UHRF2: variants seen among roughly 807,000 people sequenced by gnomAD.
UHRF2 encodes the protein E3 ubiquitin-protein ligase UHRF2.
UHRF2 carries 23 observed loss-of-function variants against 96.8 expected under a neutral mutation model. The observed-to-expected ratio is 0.24, with a 90% CI of 0.17 to 0.34. The LOEUF is 0.34. Ranked by LOEUF, UHRF2 falls within the 10% of genes least tolerant of loss-of-function variation. The pLI is 1.00. For missense variants in UHRF2, 685 were observed against 981.5 expected, an observed-to-expected ratio of 0.70 and a Z score of 4.04; for synonymous variants, 385 against 332.6, an observed-to-expected ratio of 1.16 and a Z score of -1.72.
rs78234086 is a variant in UHRF2 at position 6,428,140 on chromosome 9, A to G, written c.385-5774A>G. Among the ~76,000 whole-genome samples the G allele has an allele frequency of 3.5e-3, 533 of 152,338 alleles. 5 individuals are homozygous for G. The highest frequency in any genetic ancestry group is 0.012 in the African/African-American group (509 of 41,570). On this transcript the variant is annotated intron_variant, in intron 2 of 15. Transcript: ENST00000276893. ...ACATGTTTTCTTATGCTCATTGTATAATAGAAAGTACTGGAAAGAGGAGAA... is the reference window on the plus strand; with the variant it reads ...ACATGTTTTCTTATGCTCATTGTATGATAGAAAGTACTGGAAAGAGGAGAA...
intron 14 of UHRF2, among the ~76,000 whole-genome samples, chr9:6,501,051 A>G (rs1029464095): frequency 2.6e-5 from 4 of 152,232 alleles, no homozygotes; most frequent in African/African-American, 4.8e-5. Context: ...ACCTAACCGC[A>G]TAAGTCTTAA....
intron 9 of UHRF2, among the ~76,000 whole-genome samples, chr9:6,491,460 G>A (rs781175483): frequency 6.6e-6 from 1 of 152,204 alleles, no homozygotes; most frequent in South Asian, 2.1e-4. Flanking sequence ...GATGTAAAGG[G>A]TGTTATGAGA....
intron 3 of UHRF2, among the ~76,000 whole-genome samples, chr9:6,453,503 G>A (rs554305101): frequency 3.2e-4 from 49 of 152,160 alleles, no homozygotes; most frequent in Non-Finnish European, 6.2e-4. Context: ...TACAACTGTG[G>A]AATTAGAAAA....
intron 15 of UHRF2, among the ~76,000 whole-genome samples, chr9:6,505,673 G>C (rs1034154649): frequency 6.6e-6 from 1 of 152,202 alleles, no homozygotes; most frequent in Admixed American, 6.5e-5. Flanking sequence ...CTAAGCAAGG[G>C]AATCCAGATT....
chr9:6,426,367 T>C (rs1820261076), intron 2 of UHRF2, among the ~76,000 whole-genome samples: 1 of 152,238 alleles, frequency 6.6e-6, no homozygotes, highest in Non-Finnish European at 1.5e-5. Flanking sequence ...TTATACAAAT[T>C]GGCAAGTAAA....
In UHRF2 at chr9:6,498,102, G is replaced by A; in HGVS notation, c.1852G>A (p.Ala618Thr). 1 of 1,613,972 alleles carries A rather than the reference G, an allele frequency of 6.2e-7. No individual in the cohort carries two copies. The highest frequency in any genetic ancestry group is 8.5e-7 in the Non-Finnish European group (1 of 1,179,938). The change falls in exon 12 of 16, where the codon GCT becomes ACT. Residue 618 changes from alanine (A) to threonine (T), a missense_variant. Coordinates refer to ENST00000276893, the MANE Select transcript of UHRF2 (RefSeq NM_152896.3). ...TTTAAGAAGAGATGATGTTGAACCT[G>A]CTCCTTGGACCTCTGAAGGAATAGA... is the stretch of plus-strand genomic sequence containing the variant. ...YLLRRDDVEP[A>T]PWTSEGIERS...
chr9:6,428,266 A>G (rs1052677998), intron 2 of UHRF2, among the ~76,000 whole-genome samples: 2 of 152,162 alleles, frequency 1.3e-5, no homozygotes, highest in Non-Finnish European at 2.9e-5. Flanking sequence ...GAGCACGATC[A>G]CTGTCTATAA....
intron 6 of UHRF2, 129 bp from the exon 7 acceptor site, chr9:6,481,514 G>C: frequency 3.8e-6 from 4 of 1,057,692 alleles, no homozygotes; most frequent in Non-Finnish European, 5.3e-6. Context: ...TTTAATGCCA[G>C]TTAAAGCTCT....
At chr9:6,463,375 A>G (rs1479635547) in intron 4 of UHRF2, among the ~76,000 whole-genome samples, 2 of 152,212 alleles carry the variant, frequency 1.3e-5, no homozygotes, top group African/African-American at 2.4e-5. Context: ...CAACAGTACA[A>G]TAAAATGTAA....
intron 4 of UHRF2, among the ~76,000 whole-genome samples, chr9:6,461,365 C>CTCTCCCCCCCCTCCTT (rs1563775142): frequency 2.2e-5 from 2 of 91,462 alleles, no homozygotes; most frequent in Non-Finnish European, 4.2e-5. Context: ...CCCCCCTCCT[C>CTCTCCCCCCCCTCCTT]CTCTCCCCCT....
intron 3 of UHRF2, 132 bp downstream of exon 3, chr9:6,434,305 G>T: frequency 8.0e-6 from 9 of 1,128,990 alleles, no homozygotes; most frequent in South Asian, 1.9e-5. Flanking sequence ...GTTACTTTTT[G>T]GTTTTGGTGG....
At chr9:6,468,524 C>T (rs1248635179) in intron 4 of UHRF2, 6 of 455,858 alleles carry the variant, frequency 1.3e-5, no homozygotes, top group Non-Finnish European at 2.6e-5. Flanking sequence ...GTGTTTTGCC[C>T]CTAGGGAATC....
intron 4 of UHRF2, chr9:6,468,461 CG>C: frequency 2.2e-6 from 1 of 456,004 alleles, no homozygotes; most frequent in South Asian, 1.5e-5. Context: ...GAACCAACTG[CG>C]GGTATGTCTC....
intron 14 of UHRF2, 110 bp from the exon 15 acceptor site, chr9:6,504,483 A>G: frequency 1.6e-6 from 1 of 637,278 alleles, no homozygotes; most frequent in South Asian, 2.1e-5. Flanking sequence ...TTATGCTGGG[A>G]ACATTTGAAT....
At chr9:6,467,218 T>C (rs1822921200) in intron 4 of UHRF2, among the ~76,000 whole-genome samples, 1 of 152,202 alleles carries the variant, frequency 6.6e-6, no homozygotes, top group African/African-American at 2.4e-5. Context: ...GCCTCCCACA[T>C]GCCTTAGCTT....
At chr9:6,485,292 T>G (rs1824199755) in intron 8 of UHRF2, among the ~76,000 whole-genome samples, 1 of 152,168 alleles carries the variant, frequency 6.6e-6, no homozygotes. Context: ...ATACACTTTG[T>G]GTATTTCTAA....
chr9:6,475,363 A>C, intron 4 of UHRF2, 28 bp from the exon 5 acceptor site: 2 of 1,417,616 alleles, frequency 1.4e-6, no homozygotes, highest in Non-Finnish European at 1.9e-6. Flanking sequence ...TGCTGGCAGA[A>C]GTTAACCTTT....
At chr9:6,493,570 A>G (rs1824797901) in intron 9 of UHRF2, among the ~76,000 whole-genome samples, 1 of 152,220 alleles carries the variant, frequency 6.6e-6, no homozygotes, top group African/African-American at 2.4e-5. Context: ...TTATTTTACT[A>G]CATATATAGC....
chr9:6,461,559 G>C (rs1008927842), intron 4 of UHRF2, among the ~76,000 whole-genome samples: 1 of 151,646 alleles, frequency 6.6e-6, no homozygotes, highest in Non-Finnish European at 1.5e-5. Flanking sequence ...TTTTAGTAGA[G>C]ATGGGGTTTC....
Sources: allele counts gnomAD v4.1 joint callset (sites outside exome capture counted in the v4.1 genomes callset), GRCh38; gene constraint gnomAD v4.1.1; transcripts MANE v1.5; gene names NCBI Gene and HGNC (gene_info 2026-07-23, HGNC 2026-07-21).